Variants in SLC18A1 observed in about 807,000 individuals in gnomAD.
SLC18A1 encodes chromaffin granule amine transporter.
In SLC18A1, 69 loss-of-function variants were observed where a neutral mutation model predicts 53.7. That is an observed-to-expected ratio of 1.28 (90% confidence interval 1.06 to 1.57). The LOEUF is 1.57. Ranked by LOEUF, SLC18A1 falls within the 40% of genes most tolerant of loss-of-function variation. SLC18A1 has a pLI of 0.00. For missense variants in SLC18A1, 932 were observed against 668.1 expected (o/e 1.40, Z -4.35); for synonymous variants, 320 against 248.1 (o/e 1.29, Z -2.72).
chr8:20,168,923 G>A (rs973971125), intron 8 of SLC18A1, among the ~76,000 whole-genome samples: 20 of 152,106 alleles, frequency 1.3e-4, no homozygotes, highest in African/African-American at 3.6e-4. Flanking sequence ...TAAAGATTGG[G>A]TCAGTCAAGA....
At chr8:20,147,512 C>T (rs2071431284) in intron 14 of SLC18A1, 91 bp downstream of exon 14, 2 of 1,588,804 alleles carry the variant, frequency 1.3e-6, no homozygotes. Context: ...TCAAAGATCT[C>T]CAGAACCCTA....
intron 4 of SLC18A1, chr8:20,175,821 C>A (rs1454789647): frequency 1.3e-5 from 2 of 152,126 alleles, no homozygotes; most frequent in African/African-American, 4.8e-5. Context: ...CATGATCACA[C>A]CGAACTTCTC....
At chr8:20,148,116 G>A (rs368877672) in intron 12 of SLC18A1, 46 bp from the exon 13 acceptor site, 105 of 1,562,128 alleles carry the variant, frequency 6.7e-5, no homozygotes, top group Middle Eastern at 3.4e-4. Context: ...AGATGGGTCA[G>A]GTGGGAGCAA....
Position 20,179,207 on chromosome 8 carries a change from T to C in SLC18A1, c.402A>G (p.Glu134=), listed in dbSNP as rs755016494. 6 of 1,614,168 alleles carry C rather than the reference T, an allele frequency of 3.7e-6. No homozygotes were observed. The highest frequency in any genetic ancestry group is 5.1e-6 in the Non-Finnish European group (6 of 1,180,024). Residue 134 remains glutamate (E), a synonymous_variant, in exon 3 of 16, where the codon GAA becomes GAG. Coordinates refer to ENST00000276373, the MANE Select transcript of SLC18A1 (RefSeq NM_003053.4). ...ACAGAACCCCGACCCGGGTAATCTC[T>C]TCCTCCAAGAAACCTGTGCCTTGCA... The part of the protein sequence containing the change: ...NCLQGTGFLE[E]EITRVGVLFA...
intron 8 of SLC18A1, among the ~76,000 whole-genome samples, chr8:20,169,827 C>T (rs1221260162): frequency 2.6e-5 from 4 of 152,072 alleles, no homozygotes; most frequent in African/African-American, 7.2e-5. Flanking sequence ...TGCAGTGAGC[C>T]GAGATCGCCC....
chr8:20,152,353 C>T (rs1563727813), intron 10 of SLC18A1, among the ~76,000 whole-genome samples: 1 of 152,122 alleles, frequency 6.6e-6, no homozygotes, highest in Non-Finnish European at 1.5e-5. Flanking sequence ...AGAATGGGTT[C>T]ATGGGACAAG....
rs755254673 is a variant in SLC18A1 at position 20,164,902 on chromosome 8, T to A, written c.982A>T (p.Met328Leu). 9 of 1,613,630 alleles carry A rather than the reference T, an allele frequency of 5.6e-6. No individual in the cohort carries two copies. The highest frequency in any genetic ancestry group is 7.6e-6 in the Non-Finnish European group (9 of 1,179,708). Residue 328 changes from methionine (M) to leucine (L), a missense_variant, in exon 10 of 16, where the codon ATG becomes TTG. By Grantham distance (15) the Met-to-Leu change is conservative. Transcript: ENST00000276373. ...ILEPTLPIWM[M>L]QTMCSPKWQL... ...CACTTGGGGGAGCACATGGTCTGCA[T>A]CATCCAGATGGGCAGTGTGGGCTCC...
At chr8:20,169,487 G>C (rs2072055882) in intron 8 of SLC18A1, among the ~76,000 whole-genome samples, 1 of 152,120 alleles carries the variant, frequency 6.6e-6, no homozygotes, top group Non-Finnish European at 1.5e-5. Context: ...TAGGGAAAAT[G>C]CTCTAAAGTA....
chr8:20,147,471 G>T (rs2071430442), intron 14 of SLC18A1, 80 bp from the exon 15 acceptor site: 2 of 1,573,418 alleles, frequency 1.3e-6, no homozygotes, highest in Non-Finnish European at 1.7e-6. Context: ...CTATGCTAGG[G>T]GCAGTGGGTG....
At chr8:20,171,245 A>G in intron 7 of SLC18A1, 99 bp from the exon 8 acceptor site, 1 of 1,412,204 alleles carries the variant, frequency 7.1e-7, no homozygotes, top group South Asian at 1.2e-5. Context: ...GCATAAATTT[A>G]ACTCCCTGAG....
In SLC18A1 at chr8:20,179,496, A is replaced by C. The variant is rs751808022; in HGVS notation, c.125-12T>G. 3.7e-6 allele frequency: 6 copies of C among 1,601,308 alleles called. No homozygotes were observed. The highest frequency in any genetic ancestry group is 2.2e-5 in the East Asian group (1 of 44,750). On this transcript the variant is annotated splice_polypyrimidine_tract_variant and intron_variant, in intron 2 of 15. Coordinates refer to ENST00000276373, the MANE Select transcript of SLC18A1 (RefSeq NM_003053.4). ...GGGCACAATTGGCACTGAAAGTCAA[A>C]GAGGACAGGTGATGGGGGCTAAGGA...
At chr8:20,164,146 C>T (rs7013199) in intron 10 of SLC18A1, among the ~76,000 whole-genome samples, 40,287 of 151,916 alleles carry the variant, frequency 0.27, 5,865 homozygotes, top group East Asian at 0.39. Flanking sequence ...CCCCTCTGGC[C>T]CCGTAAGCCT....
chr8:20,171,540 C>A, intron 6 of SLC18A1, 46 bp from the exon 7 acceptor site: 3 of 1,448,162 alleles, frequency 2.1e-6, no homozygotes, highest in South Asian at 1.1e-5. Flanking sequence ...AGGGTGAGTC[C>A]TTTGCAGTGA....
intron 11 of SLC18A1, 122 bp downstream of exon 11, chr8:20,150,544 A>T: frequency 1.2e-6 from 1 of 854,108 alleles, no homozygotes; most frequent in Non-Finnish European, 2.0e-6. Flanking sequence ...GGAAGTTTTT[A>T]TCGGTGTGTA....
rs1236388762 is a variant in SLC18A1, at chr8:20,174,362, T to C, written c.630A>G (p.Ala210=). The part of the protein sequence containing the change: ...QGIGSSFSSV[A]GLGMLASVYT... ...TGCATGATGAGTTGCCAGTGTTACC[T>C]GCAACAGATGAAAATGAAGATCCAA... The change falls in exon 5 of 16, where the codon GCA becomes GCG. Residue 210 remains alanine (A), a splice_region_variant and synonymous_variant. Transcript: ENST00000276373. 1.9e-6 allele frequency: 3 copies of C among 1,609,764 alleles called. No homozygotes were observed. Among genetic ancestry groups the C allele is most frequent in the Non-Finnish European group, 2.6e-6 (3 of 1,176,204 alleles).
Position 20,144,970 on chromosome 8 carries a change from C to T in SLC18A1, c.*793G>A, listed in dbSNP as rs1284878989. 1 of 152,060 alleles carries T rather than the reference C, an allele frequency of 6.6e-6. No individual in the cohort carries two copies. Among genetic ancestry groups the T allele is most frequent in the South Asian group, 2.1e-4 (1 of 4,826 alleles). The allele number at this position is 152,060 out of a possible 1,614,324, so 9.4% of individuals were successfully genotyped here. A position where few individuals can be genotyped will look rare whatever the true frequency, so the allele number is the denominator to read the frequency against. ...AAGGCAGTTTCTTTTAACTTCTTCC[C>T]ATGAAATCTTGGGTCTAATCAGTTA... On this transcript the variant is annotated 3_prime_UTR_variant, in exon 16 of 16. Transcript: ENST00000276373.
chr8:20,150,684 A>G lies in SLC18A1; in HGVS notation c.1076T>C (p.Leu359Ser). 6.2e-7 allele frequency: 1 copy of G among 1,614,158 alleles called. No individual in the cohort carries two copies. ...YLIGTNLFGV[L>S]ANKMGRWLCS... Reference sequence around the variant, plus strand: ...TACATACCGACCCATCTTGTTGGCCAACACACCAAAGAGGTTGGTGCCAAT... The same window carrying G: ...TACATACCGACCCATCTTGTTGGCCGACACACCAAAGAGGTTGGTGCCAAT... The change falls in exon 11 of 16, where the codon TTG becomes TCG. Residue 359 changes from leucine to serine, a missense_variant. Coordinates refer to ENST00000276373, the MANE Select transcript of SLC18A1 (RefSeq NM_003053.4).
chr8:20,177,711 G>A (rs1396253685), intron 4 of SLC18A1, among the ~76,000 whole-genome samples: 2 of 152,196 alleles, frequency 1.3e-5, no homozygotes, highest in African/African-American at 4.8e-5. Context: ...AGGTTCAGCA[G>A]GGCCATCGGG....
chr8:20,150,245 A>G (rs1448189869), intron 11 of SLC18A1, among the ~76,000 whole-genome samples: 1 of 152,208 alleles, frequency 6.6e-6, no homozygotes, highest in Non-Finnish European at 1.5e-5. Flanking sequence ...GGAGACTCAT[A>G]GCTCTTGGCC....
Sources: gnomAD v4.1 joint callset for allele counts (sites outside exome capture counted in the v4.1 genomes callset) on GRCh38, gnomAD v4.1.1 for gene constraint, MANE v1.5 for transcripts, NCBI Gene and HGNC (gene_info 2026-07-23, HGNC 2026-07-21) for gene names.